The following RBMS3 variants were observed in gnomAD, a reference collection of about 807,000 sequenced individuals.
The protein encoded by RBMS3 is RNA-binding motif, single-stranded-interacting protein 3.
RBMS3 carries 27 observed loss-of-function variants against 66.8 expected under a neutral mutation model. The observed-to-expected ratio is 0.40, with a 90% confidence interval of 0.30 to 0.56. RBMS3 has a LOEUF of 0.56. RBMS3 is among the 20% of genes least tolerant of loss of function. RBMS3 has a pLI of 0.40. For synonymous variants in RBMS3, 188 were observed against 183.0 expected, an observed-to-expected ratio of 1.03 and a Z score of -0.22; for missense variants, 513 against 549.5, an observed-to-expected ratio of 0.93 and a Z score of 0.66.
intron 5 of RBMS3, among the ~76,000 whole-genome samples, chr3:29,742,839 A>G (rs2054703515): frequency 6.6e-6 from 1 of 152,174 alleles, no homozygotes; most frequent in South Asian, 2.1e-4. Context: ...TACAACTTTG[A>G]GCTTCAAATA....
intron 1 of RBMS3, among the ~76,000 whole-genome samples, chr3:29,291,653 G>A (rs2032823057): frequency 6.6e-6 from 1 of 151,580 alleles, no homozygotes; most frequent in South Asian, 2.1e-4. Flanking sequence ...CTCAAAATAG[G>A]GTCATAGGTT....
At chr3:29,286,148 G>T (rs578193330) in intron 1 of RBMS3, among the ~76,000 whole-genome samples, 3 of 152,018 alleles carry the variant, frequency 2.0e-5, no homozygotes, top group Non-Finnish European at 4.4e-5. Flanking sequence ...ATTTTCTTTC[G>T]CTTCGGGGGG....
chr3:29,409,393 A>G (rs905016160), intron 1 of RBMS3, among the ~76,000 whole-genome samples: 1 of 152,140 alleles, frequency 6.6e-6, no homozygotes, highest in Admixed American at 6.5e-5. Context: ...CCTCTCTAGA[A>G]GGATATTCTG....
intron 1 of RBMS3, among the ~76,000 whole-genome samples, chr3:29,295,495 C>G (rs1022265838): frequency 6.6e-6 from 1 of 151,092 alleles, no homozygotes; most frequent in Non-Finnish European, 1.5e-5. Context: ...TAATCTCCCT[C>G]AATACACTAC....
intron 6 of RBMS3, among the ~76,000 whole-genome samples, chr3:29,809,354 T>G (rs2149455412): frequency 6.7e-6 from 1 of 149,094 alleles, no homozygotes; most frequent in Middle Eastern, 3.4e-3. Context: ...AAAAAAAAGA[T>G]CCTGTTAAAA....
chr3:29,765,157 AT>A (rs1422661361), intron 6 of RBMS3, among the ~76,000 whole-genome samples: 1 of 151,998 alleles, frequency 6.6e-6, no homozygotes, highest in Non-Finnish European at 1.5e-5. Flanking sequence ...AATACAAGAT[AT>A]GGGTATTTTG....
At chr3:29,363,602 G>A (rs9838901) in intron 1 of RBMS3, among the ~76,000 whole-genome samples, 129,560 of 152,030 alleles carry the variant, frequency 0.85, 55,414 homozygotes, top group African/African-American at 0.91. Context: ...CAGCCTGGCC[G>A]ATATGGCGAA....
At chr3:29,855,843 T>G (rs2059061376) in intron 6 of RBMS3, among the ~76,000 whole-genome samples, 1 of 152,184 alleles carries the variant, frequency 6.6e-6, no homozygotes, top group Non-Finnish European at 1.5e-5. Context: ...ATTGTGCAGG[T>G]GCATGCATGT....
intron 8 of RBMS3, among the ~76,000 whole-genome samples, chr3:29,888,470 A>G (rs1213952350): frequency 6.6e-6 from 1 of 151,390 alleles, no homozygotes; most frequent in East Asian, 2.0e-4. Flanking sequence ...AAATAATCCT[A>G]CCCACTTTTA....
chr3:29,986,742 G>A (rs12487164), intron 12 of RBMS3, among the ~76,000 whole-genome samples: 33,226 of 151,972 alleles, frequency 0.22, 3,787 homozygotes, highest in East Asian at 0.36. Context: ...CAAGAGTTCA[G>A]GACCAGCTTG....
chr3:29,744,393 G>A (rs1313206571), intron 5 of RBMS3, among the ~76,000 whole-genome samples: 1 of 152,086 alleles, frequency 6.6e-6, no homozygotes, highest in African/African-American at 2.4e-5. Flanking sequence ...ATAGAGTACT[G>A]GAATATTAGA....
At chr3:29,476,541 TTGA>T (rs2042954403) in intron 2 of RBMS3, among the ~76,000 whole-genome samples, 1 of 152,200 alleles carries the variant, frequency 6.6e-6, no homozygotes, top group Admixed American at 6.5e-5. Context: ...TCCACAAGGA[TTGA>T]TCTTTTGGAG....
chr3:29,454,542 A>G (rs1360215949), intron 2 of RBMS3, among the ~76,000 whole-genome samples: 1 of 152,166 alleles, frequency 6.6e-6, no homozygotes, highest in African/African-American at 2.4e-5. Context: ...CCGCGTCACC[A>G]CCCAGGACAA....
intron 2 of RBMS3, among the ~76,000 whole-genome samples, chr3:29,482,302 A>C (rs2043154279): frequency 6.6e-6 from 1 of 152,238 alleles, no homozygotes; most frequent in Non-Finnish European, 1.5e-5. Flanking sequence ...ACTAATTCTG[A>C]GAACCAGCAA....
At chr3:29,465,573 G>T (rs2042515818) in intron 2 of RBMS3, among the ~76,000 whole-genome samples, 1 of 149,534 alleles carries the variant, frequency 6.7e-6, no homozygotes. Context: ...AATCTAGTGA[G>T]CCCCTGAGCT....
intron 1 of RBMS3, among the ~76,000 whole-genome samples, chr3:29,325,852 A>G (rs2035305075): frequency 6.6e-6 from 1 of 152,154 alleles, no homozygotes; most frequent in Non-Finnish European, 1.5e-5. Context: ...TTGAGGCATC[A>G]AAAATCTATC....
chr3:29,879,100 G>A (rs2149570475), intron 7 of RBMS3, among the ~76,000 whole-genome samples: 1 of 151,710 alleles, frequency 6.6e-6, no homozygotes, highest in East Asian at 1.9e-4. Context: ...AAAAAAAAAA[G>A]TTATTGTTAT....
chr3:29,802,624 A>G (rs79894826), intron 6 of RBMS3, among the ~76,000 whole-genome samples: 6,762 of 152,304 alleles, frequency 0.044, 231 homozygotes, highest in Non-Finnish European at 0.07. Context: ...TTTAGCTTAT[A>G]TGCCCACTCA....
intron 12 of RBMS3, among the ~76,000 whole-genome samples, chr3:29,953,027 T>C (rs373732145): frequency 9.9e-5 from 15 of 151,880 alleles, no homozygotes; most frequent in African/African-American, 3.6e-4. Flanking sequence ...CATAGTTAAG[T>C]TCATTAGCTT....
Sources: allele counts gnomAD v4.1 joint callset (sites outside exome capture counted in the v4.1 genomes callset), GRCh38; gene constraint gnomAD v4.1.1; transcripts MANE v1.5; gene names NCBI Gene and HGNC (gene_info 2026-07-23, HGNC 2026-07-21).